The following SBK1 variants were observed in gnomAD, a reference collection of about 807,000 sequenced individuals.
SBK1 encodes serine/threonine-protein kinase SBK1.
Under a neutral mutation model 24.4 loss-of-function variants are expected in SBK1, and 11 were observed. The ratio of observed to expected loss-of-function variants is 0.45; its 90% CI spans 0.28 to 0.75. SBK1 has a LOEUF of 0.75. Ranked by LOEUF, SBK1 falls within the 30% of genes least tolerant of loss-of-function variation. The pLI, the probability that SBK1 is intolerant of heterozygous loss-of-function variation, is 0.12. For missense variants in SBK1, 467 were observed against 620.5 expected, an observed-to-expected ratio of 0.75 and a Z score of 2.63; for synonymous variants, 308 against 284.4, an observed-to-expected ratio of 1.08 and a Z score of -0.83.
chr16:28,261,457 AC>A (rs1358975473), intron 1 of SBK1, among the ~76,000 whole-genome samples: 1 of 151,130 alleles, frequency 6.6e-6, no homozygotes, highest in African/African-American at 2.4e-5. Context: ...ACACACACAC[AC>A]ACACACACAC....
At chr16:28,308,773 GTGTGTGTT>G (rs1455389760) in intron 1 of SBK1, among the ~76,000 whole-genome samples, 14 of 149,744 alleles carry the variant, frequency 9.3e-5, no homozygotes, top group African/African-American at 2.5e-4. Flanking sequence ...GTGTGTGTGT[GTGTGTGTT>G]TGTTTTGTTT....
At chr16:28,272,155 C>G (rs1253105260) in intron 1 of SBK1, among the ~76,000 whole-genome samples, 1 of 152,144 alleles carries the variant, frequency 6.6e-6, no homozygotes, top group Non-Finnish European at 1.5e-5. Context: ...CTGCAGCCTC[C>G]ATCTCCTGGG....
rs1870224320 is a variant in SBK1 at position 28,322,931 on chromosome 16, C to CCTCCCT, written c.*2013_*2014insCCTCTC. The CCTCCCT allele has an allele frequency of 3.6e-5, 2 of 55,350 alleles. No individual in the cohort carries two copies. 3.4% of individuals were successfully genotyped at this position (55,350 alleles called of 1,614,324 possible). A position where few individuals can be genotyped will look rare whatever the true frequency, so the allele number is the denominator to read the frequency against. The stretch of plus-strand genomic sequence containing the variant: ...CTCTCTCGCGCGCGCTCTCTCTCTC[C>CCTCCCT]CTCTCTCTCTCTCTCTCTCTCTCTC... On this transcript the variant is annotated 3_prime_UTR_variant, in exon 4 of 4. Coordinates refer to ENST00000341901, the MANE Select transcript of SBK1 (RefSeq NM_001024401.3).
upstream of SBK1, among the ~76,000 whole-genome samples, chr16:28,288,299 G>C (rs1567674052): frequency 6.6e-6 from 1 of 152,162 alleles, no homozygotes; most frequent in Non-Finnish European, 1.5e-5. Flanking sequence ...GAGCCTTCCT[G>C]TGTGAACCAC....
intron 1 of SBK1, among the ~76,000 whole-genome samples, chr16:28,265,890 C>T (rs2044425030): frequency 6.6e-6 from 1 of 151,416 alleles, no homozygotes; most frequent in South Asian, 2.1e-4. Context: ...AGGAGAATAG[C>T]TTGAACCTGG....
intron 1 of SBK1, among the ~76,000 whole-genome samples, chr16:28,277,207 T>C (rs1767244657): frequency 6.6e-6 from 1 of 151,792 alleles, no homozygotes; most frequent in Non-Finnish European, 1.5e-5. Flanking sequence ...TCCTCTGTTC[T>C]CTGAGGTTTG....
Position 28,321,030 on chromosome 16 carries a change from C to A in SBK1, c.*109C>A. 1 of 1,056,992 alleles carries A rather than the reference C, an allele frequency of 9.5e-7. No homozygotes were observed. The highest frequency in any genetic ancestry group is 1.2e-6 in the Non-Finnish European group (1 of 813,496). 65.5% of individuals were successfully genotyped at this position (1,056,992 alleles called of 1,614,324 possible). A position where few individuals can be genotyped will look rare whatever the true frequency, so the allele number is the denominator to read the frequency against. ...CCTCGCCGCGGGGCAGGGGGCGCAG[C>A]GGTAGACTAGGCAGGACGCGGCCCG... On this transcript the variant is annotated 3_prime_UTR_variant, in exon 4 of 4. Transcript: ENST00000341901.
rs1294603271 is a variant in SBK1 at position 28,322,922 on chromosome 16, C to T, written c.*2001C>T. 1 of 15,014 alleles carries T rather than the reference C, an allele frequency of 6.7e-5. No individual in the cohort carries two copies. Among genetic ancestry groups the T allele is most frequent in the Non-Finnish European group, 1.6e-4 (1 of 6,094 alleles). The allele number at this position is 15,014 out of a possible 1,614,324, so 0.9% of individuals were successfully genotyped here. On this transcript the variant is annotated 3_prime_UTR_variant, in exon 4 of 4. Transcript: ENST00000341901. ...GCTCGCTCTCTCTCTCGCGCGCGCT[C>T]TCTCTCTCCCTCTCTCTCTCTCTCT... is the stretch of plus-strand genomic sequence containing the variant.
At chr16:28,312,181 G>A (rs138401245) in intron 1 of SBK1, among the ~76,000 whole-genome samples, 108 of 152,332 alleles carry the variant, frequency 7.1e-4, no homozygotes, top group African/African-American at 2.4e-3. Context: ...GGCAAAGAGG[G>A]CTGCGTGCTC....
chr16:28,263,200 C>A (rs982019248), intron 1 of SBK1, among the ~76,000 whole-genome samples: 11 of 152,168 alleles, frequency 7.2e-5, no homozygotes, highest in African/African-American at 2.4e-4. Flanking sequence ...CAACAAATTT[C>A]GTTGCATAGC....
Position 28,262,880 on chromosome 16 carries a change from G to A in SBK1, c.257+3378G>A, listed in dbSNP as rs996119525. On this transcript the variant is annotated intron_variant, in intron 1 of 3. Transcript: ENST00000671413. ...ATTCTGGGTGTGTGTGTGTTTTGGG[G>A]TGGGGGTGGTGATGGAGGAGACTCT... 2.0e-5 allele frequency among the ~76,000 whole-genome samples: 3 copies of A among 152,134 alleles called. 1 individual carries two copies. The highest frequency in any genetic ancestry group is 2.0e-4 in the Admixed American group (3 of 15,260).
At position 28,292,956 on chromosome 16, in the gene SBK1, G is replaced by A. The variant is rs2044611959; in HGVS notation, c.-352G>A. ...CTAGAACGCAGTGCCCCCAGGCCGG[G>A]ATTGCGAGAACCCCCTCCCAAGATC... On this transcript the variant is annotated 5_prime_UTR_variant, in exon 1 of 4. Transcript: ENST00000341901. 3.1e-6 allele frequency: 3 copies of A among 978,174 alleles called. No homozygotes were observed. Among genetic ancestry groups the A allele is most frequent in the Admixed American group, 6.2e-5 (1 of 16,246 alleles). 60.6% of individuals were successfully genotyped at this position (978,174 alleles called of 1,614,324 possible).
chr16:28,311,371 G>C (rs1286070789), intron 1 of SBK1, among the ~76,000 whole-genome samples: 1 of 152,130 alleles, frequency 6.6e-6, no homozygotes, highest in Non-Finnish European at 1.5e-5. Flanking sequence ...GAGGAGGCAC[G>C]GCAGGGAGGT....
intron 1 of SBK1, among the ~76,000 whole-genome samples, chr16:28,294,328 T>G (rs1456414460): frequency 3.3e-5 from 5 of 152,170 alleles, no homozygotes; most frequent in Non-Finnish European, 7.3e-5. Flanking sequence ...TGGGAGTTCC[T>G]CTCATCTCTT....
chr16:28,262,526 G>C (rs1285466886), intron 1 of SBK1, among the ~76,000 whole-genome samples: 1 of 152,190 alleles, frequency 6.6e-6, no homozygotes, highest in Non-Finnish European at 1.5e-5. Context: ...GGATGCTGAG[G>C]CCACTGCGAT....
At chr16:28,282,911 A>T (rs1597015416) in intron 1 of SBK1, among the ~76,000 whole-genome samples, 1 of 26,490 alleles carries the variant, frequency 3.8e-5, no homozygotes, top group East Asian at 2.9e-4. Context: ...TCGCATTTTT[A>T]TTTATTTATT....
At chr16:28,281,082 C>A (rs2044530521) in intron 1 of SBK1, among the ~76,000 whole-genome samples, 1 of 152,142 alleles carries the variant, frequency 6.6e-6, no homozygotes, top group Non-Finnish European at 1.5e-5. Flanking sequence ...TGTCCTCAGA[C>A]AGACCCTGGT....
intron 1 of SBK1, among the ~76,000 whole-genome samples, chr16:28,279,426 A>C (rs2044515761): frequency 1.3e-5 from 2 of 150,698 alleles, no homozygotes; most frequent in Non-Finnish European, 3.0e-5. Context: ...AAAAAAAAAA[A>C]AAAAAAAACC....
At position 28,321,167 on chromosome 16, in the gene SBK1, C is replaced by A; in HGVS notation, c.*246C>A. On this transcript the variant is annotated 3_prime_UTR_variant, in exon 4 of 4. Coordinates refer to ENST00000341901, the MANE Select transcript of SBK1 (RefSeq NM_001024401.3). ...GCCAAGCCGCACAGACCCGAGAATT[C>A]GGAGGCCACCACACAACACACACAC... 2 of 304,316 alleles carry A rather than the reference C, an allele frequency of 6.6e-6. No homozygotes were observed. The highest frequency in any genetic ancestry group is 5.6e-5 in the Admixed American group (1 of 17,934). 18.9% of individuals were successfully genotyped at this position (304,316 alleles called of 1,614,324 possible). A position where few individuals can be genotyped will look rare whatever the true frequency, so the allele number is the denominator to read the frequency against.
Sources: allele counts gnomAD v4.1 joint callset (sites outside exome capture counted in the v4.1 genomes callset), GRCh38; gene constraint gnomAD v4.1.1; transcripts MANE v1.5; gene names NCBI Gene and HGNC (gene_info 2026-07-23, HGNC 2026-07-21).